Variants in CNIH3 observed in about 807,000 individuals in gnomAD.
CNIH3 encodes cornichon family AMPA receptor auxiliary protein 3, also known as protein cornichon homolog 3.
A neutral mutation model predicts 24.1 loss-of-function variants in CNIH3; 14 were observed. The observed-to-expected ratio is 0.58, with a 90% CI of 0.38 to 0.91. CNIH3 has a LOEUF of 0.91. CNIH3 is among the 40% of genes least tolerant of loss of function. The pLI is 0.00. For missense variants in CNIH3, 178 were observed against 196.8 expected (o/e 0.90, Z 0.57); for synonymous variants, 68 against 73.8 (o/e 0.92, Z 0.40).
chr1:224,474,874 AAAAAAT>A (rs1266589146), intron 1 of CNIH3, among the ~76,000 whole-genome samples: 1 of 44,204 alleles, frequency 2.3e-5, no homozygotes, highest in South Asian at 5.7e-4. Flanking sequence ...AAAAAATACA[AAAAAAT>A]AAAAATAAAA....
At chr1:224,728,143 C>G (rs750756720) in intron 3 of CNIH3, among the ~76,000 whole-genome samples, 2 of 152,150 alleles carry the variant, frequency 1.3e-5, no homozygotes, top group Non-Finnish European at 2.9e-5. Context: ...TGATTCAGGC[C>G]CACGGTGGCT....
At chr1:224,643,715 G>T in intron 1 of CNIH3, among the ~76,000 whole-genome samples, 1 of 152,212 alleles carries the variant, frequency 6.6e-6, no homozygotes, top group South Asian at 2.1e-4. Context: ...TGGGGAACAG[G>T]GACTCAGCAG....
At chr1:224,512,042 G>T (rs1239935538), upstream of CNIH3, among the ~76,000 whole-genome samples, 1 of 152,162 alleles carries the variant, frequency 6.6e-6, no homozygotes, top group Non-Finnish European at 1.5e-5. Context: ...GGGCGTGGTG[G>T]CGCATGCCTG....
intron 4 of CNIH3, among the ~76,000 whole-genome samples, chr1:224,570,078 C>G (rs538704465): frequency 1.3e-5 from 2 of 152,238 alleles, no homozygotes; most frequent in East Asian, 3.9e-4. Context: ...GCCACTGCAC[C>G]CGGCAAAGCA....
At chr1:224,665,702 T>A (rs946595653) in intron 1 of CNIH3, among the ~76,000 whole-genome samples, 2 of 152,234 alleles carry the variant, frequency 1.3e-5, no homozygotes, top group African/African-American at 4.8e-5. Flanking sequence ...GTGCTTTAGA[T>A]TTAGGGTTTA....
chr1:224,448,249 C>A (rs1328430753), intron 1 of CNIH3, among the ~76,000 whole-genome samples: 10 of 134,846 alleles, frequency 7.4e-5, no homozygotes, highest in Admixed American at 6.9e-5. Context: ...AAAAAACACA[C>A]AAAAAAAATC....
rs536213103 is a variant in CNIH3 at position 224,644,336 on chromosome 1, G to A, written c.81+27081G>A. ...AGCAATCCTCCTACCTTAACCTTCCGAGTAGCTGGGACTACAGGGGTGTGC... is the reference window on the plus strand; with the variant it reads ...AGCAATCCTCCTACCTTAACCTTCCAAGTAGCTGGGACTACAGGGGTGTGC... On this transcript the variant is annotated intron_variant, in intron 1 of 5. Transcript: ENST00000272133. Among the ~76,000 whole-genome samples, 39 of 152,122 alleles carry A rather than the reference G, an allele frequency of 2.6e-4. No homozygotes were observed. The South Asian group carries it at 7.5e-3, about 29-fold the overall frequency.
At chr1:224,520,782 A>G (rs375741460) in intron 1 of CNIH3, among the ~76,000 whole-genome samples, 15 of 152,232 alleles carry the variant, frequency 9.9e-5, no homozygotes, top group African/African-American at 3.4e-4. Context: ...CCACAGCTGC[A>G]TGAAGAGAGG....
In CNIH3 at chr1:224,703,599, G is replaced by C. The variant is rs1033269915; in HGVS notation, c.198+18756G>C. On this transcript the variant is annotated intron_variant, in intron 3 of 5. Coordinates refer to ENST00000272133, the MANE Select transcript of CNIH3 (RefSeq NM_152495.2). This position sits in a 1 kb window ranked among gnomAD's most constrained non-coding sequence, Gnocchi z 4.2. ...CTGGCTGTGCTGATGGGGAGCTACT[G>C]CTTTCCTATTAGCATTGCTGCCTTT... is the stretch of plus-strand genomic sequence containing the variant. 6.6e-6 allele frequency among the ~76,000 whole-genome samples: 1 copy of C among 152,144 alleles called. No individual in the cohort carries two copies.
At chr1:224,464,955 C>A (rs1022533864) in intron 1 of CNIH3, among the ~76,000 whole-genome samples, 1 of 151,822 alleles carries the variant, frequency 6.6e-6, no homozygotes, top group Admixed American at 6.6e-5. Context: ...ACCACTAGGC[C>A]CAGTTAATTT....
At chr1:224,484,202 G>A (rs551247263) in intron 1 of CNIH3, among the ~76,000 whole-genome samples, 31 of 149,668 alleles carry the variant, frequency 2.1e-4, no homozygotes, top group South Asian at 1.1e-3. Flanking sequence ...AGGCCGAGGC[G>A]GGCAGATCAC....
intron 1 of CNIH3, among the ~76,000 whole-genome samples, chr1:224,633,183 C>T (rs556155247): frequency 7.2e-5 from 11 of 151,828 alleles, no homozygotes; most frequent in African/African-American, 1.9e-4. Context: ...TTTTGAGACA[C>T]GTTCTTGCTC....
At chr1:224,563,608 G>A (rs1680465883) in intron 3 of CNIH3, among the ~76,000 whole-genome samples, 1 of 152,058 alleles carries the variant, frequency 6.6e-6, no homozygotes. Context: ...ACTTAAGATT[G>A]GCATCCATTA....
intron 3 of CNIH3, among the ~76,000 whole-genome samples, chr1:224,728,112 TG>T (rs574139570): frequency 2.0e-3 from 303 of 152,220 alleles, no homozygotes; most frequent in Non-Finnish European, 3.6e-3. Context: ...GAATTGGAGA[TG>T]GAGATGGAGA....
chr1:224,658,322 T>G (rs1275875893), intron 1 of CNIH3, among the ~76,000 whole-genome samples: 1 of 152,116 alleles, frequency 6.6e-6, no homozygotes, highest in African/African-American at 2.4e-5. Context: ...TGTGTCACCA[T>G]GCCCAGCTAA....
chr1:224,725,317 C>T (rs1432885980), intron 3 of CNIH3, among the ~76,000 whole-genome samples: 1 of 152,214 alleles, frequency 6.6e-6, no homozygotes, highest in Non-Finnish European at 1.5e-5. Flanking sequence ...ATAGTACATC[C>T]TGTGTCCCTG....
rs116064967 is a variant in CNIH3, at chr1:224,496,721, A to G, written n.204-19020A>G. On this transcript the variant is annotated intron_variant and non_coding_transcript_variant, in intron 1 of 5. Transcript: ENST00000471578. ...AAACAGACTCAGTGTGACGGGTACA[A>G]TACTACAGGTGGCATAGGATATCAT... Among the ~76,000 whole-genome samples the G allele has an allele frequency of 1.0e-2, 1,517 of 152,320 alleles. 30 individuals carry two copies. The highest frequency in any genetic ancestry group is 0.034 in the African/African-American group (1,406 of 41,568).
At chr1:224,511,393 C>T (rs1291905523), upstream of CNIH3, among the ~76,000 whole-genome samples, 1 of 152,186 alleles carries the variant, frequency 6.6e-6, no homozygotes, top group Non-Finnish European at 1.5e-5. Flanking sequence ...AGACAAAAGC[C>T]ACTATGTAAA....
rs188157800 is a variant in CNIH3, at chr1:224,568,169, T to A, written n.516+1905T>A. ...GCTGGGCATGGTGGCACGTGCCTGT[T>A]ATCCCAGCTACTCTGGAGGCTGAGG... is the stretch of plus-strand genomic sequence containing the variant. On this transcript the variant is annotated intron_variant and non_coding_transcript_variant, in intron 4 of 5. Coordinates refer to the CNIH3 transcript ENST00000471578. Among the ~76,000 whole-genome samples, 781 of 152,060 alleles carry A rather than the reference T, an allele frequency of 5.1e-3. 3 individuals are homozygous for A. The highest frequency in any genetic ancestry group is 6.8e-3 in the Non-Finnish European group (464 of 67,964).
Sources: allele counts gnomAD v4.1 joint callset (sites outside exome capture counted in the v4.1 genomes callset), GRCh38; gene constraint gnomAD v4.1.1; non-coding constraint Gnocchi (gnomAD v3.1); transcripts MANE v1.5; gene names NCBI Gene and HGNC (gene_info 2026-07-23, HGNC 2026-07-21).